SLC25A13: variants seen among roughly 807,000 people sequenced by gnomAD.
SLC25A13 encodes the protein electrogenic aspartate/glutamate antiporter SLC25A13, mitochondrial.
Under a neutral mutation model 85.5 loss-of-function variants are expected in SLC25A13, and 70 were observed. The ratio of observed to expected loss-of-function variants is 0.82; its 90% CI spans 0.68 to 1.00. The LOEUF (loss-of-function observed/expected upper bound fraction) is 1.00. SLC25A13 is among the 50% of genes least tolerant of loss of function. SLC25A13 has a pLI of 0.00. For synonymous variants in SLC25A13, 259 were observed against 288.7 expected (o/e 0.90, Z 1.04); for missense variants, 765 against 819.8 (o/e 0.93, Z 0.82).
chr7:96,285,289 A>G (rs1798844138), intron 2 of SLC25A13, among the ~76,000 whole-genome samples: 1 of 152,122 alleles, frequency 6.6e-6, no homozygotes, highest in Non-Finnish European at 1.5e-5. Flanking sequence ...TGCTGCACCA[A>G]TCAAATCTCA....
chr7:96,222,909 T>C lies in SLC25A13; in HGVS notation c.328+11893A>G, dbSNP rs79249288. Among the ~76,000 whole-genome samples the C allele has an allele frequency of 9.5e-3, 1,443 of 152,354 alleles. 11 individuals are homozygous for C. Among genetic ancestry groups the C allele is most frequent in the Non-Finnish European group, 0.015 (1,034 of 68,028 alleles). Reference sequence around the variant, plus strand: ...TCCAAAAACTGATTATCATTACATTTTGAAGTCATACATAAACTATTCTAC... The same window carrying C: ...TCCAAAAACTGATTATCATTACATTCTGAAGTCATACATAAACTATTCTAC... On this transcript the variant is annotated intron_variant, in intron 4 of 17. Coordinates refer to ENST00000265631, the MANE Select transcript of SLC25A13 (RefSeq NM_014251.3).
Position 96,131,851 on chromosome 7 carries a change from G to C in SLC25A13, c.1483C>G (p.Pro495Ala), listed in dbSNP as rs761992118. ...GAKACFLRDIPFSAIYFPCYA... is the reference protein window; with the variant it reads ...GAKACFLRDIAFSAIYFPCYA... ...CACGGAAAGTAGATGGCCGAGAAAGGAATGTCCCGCAGAAAGCATGCTTTG... is the reference window on the plus strand; with the variant it reads ...CACGGAAAGTAGATGGCCGAGAAAGCAATGTCCCGCAGAAAGCATGCTTTG... The change falls in exon 15 of 18, where the codon CCT (proline) becomes GCT (alanine). Residue 495 changes from proline to alanine, a missense_variant. Coordinates refer to ENST00000265631, the MANE Select transcript of SLC25A13 (RefSeq NM_014251.3). 8.7e-6 allele frequency: 14 copies of C among 1,613,978 alleles called. No homozygotes were observed. Among genetic ancestry groups the C allele is most frequent in the Non-Finnish European group, 1.1e-5 (13 of 1,179,986 alleles).
intron 1 of SLC25A13, among the ~76,000 whole-genome samples, chr7:96,299,846 C>G (rs1286147247): frequency 6.6e-6 from 1 of 152,180 alleles, no homozygotes; most frequent in African/African-American, 2.4e-5. Context: ...ATCTATACAG[C>G]ATGTTCCTAT....
intron 9 of SLC25A13, among the ~76,000 whole-genome samples, chr7:96,187,809 GC>G: frequency 6.6e-6 from 1 of 152,174 alleles, no homozygotes; most frequent in East Asian, 1.9e-4. Flanking sequence ...GCAGCGCTGT[GC>G]CCACAGGTGG....
intron 2 of SLC25A13, among the ~76,000 whole-genome samples, chr7:96,293,482 G>T (rs1216957743): frequency 6.6e-6 from 1 of 152,132 alleles, no homozygotes; most frequent in Admixed American, 6.5e-5. Context: ...AACCATCAGA[G>T]TGAACAGGCA....
At chr7:96,171,751 T>A (rs1401205630) in intron 11 of SLC25A13, among the ~76,000 whole-genome samples, 1 of 152,286 alleles carries the variant, frequency 6.6e-6, no homozygotes, top group African/African-American at 2.4e-5. Context: ...GTTTGCACAT[T>A]GGGTAAATCA....
At chr7:96,165,597 CA>C (rs1410226072) in intron 13 of SLC25A13, among the ~76,000 whole-genome samples, 1 of 152,204 alleles carries the variant, frequency 6.6e-6, no homozygotes, top group Non-Finnish European at 1.5e-5. Context: ...ATCTGGGAAT[CA>C]TATGAGGTGT....
At position 96,215,011 on chromosome 7, in the gene SLC25A13, C is replaced by G. The variant is rs532487835; in HGVS notation, c.329-6034G>C. Among the ~76,000 whole-genome samples the G allele has an allele frequency of 2.0e-5, 3 of 152,286 alleles. No individual in the cohort carries two copies. The South Asian group carries it at 6.2e-4, about 32-fold the overall frequency. On this transcript the variant is annotated intron_variant, in intron 4 of 17. Coordinates refer to ENST00000265631, the MANE Select transcript of SLC25A13 (RefSeq NM_014251.3). ...TCTATAGATTCAATGTAATCCCTATCAAAATCCTGGTTGGCTTGTTTGCAA... is the reference window on the plus strand; with the variant it reads ...TCTATAGATTCAATGTAATCCCTATGAAAATCCTGGTTGGCTTGTTTGCAA...
intron 2 of SLC25A13, among the ~76,000 whole-genome samples, chr7:96,294,051 C>T (rs1799242660): frequency 1.3e-5 from 2 of 152,244 alleles, no homozygotes; most frequent in South Asian, 4.2e-4. Flanking sequence ...CAATGATAGA[C>T]TGGATTAAGA....
chr7:96,234,265 A>ACAGGAGAGCAGACACTGC (rs1796662020), intron 4 of SLC25A13, among the ~76,000 whole-genome samples: 3 of 152,212 alleles, frequency 2.0e-5, no homozygotes, highest in African/African-American at 7.2e-5. Flanking sequence ...AAAGAAGGCC[A>ACAGGAGAGCAGACACTGC]CAGGAGAGCA....
At chr7:96,302,980 C>T (rs1388592534) in intron 1 of SLC25A13, among the ~76,000 whole-genome samples, 2 of 152,196 alleles carry the variant, frequency 1.3e-5, no homozygotes, top group Admixed American at 6.5e-5. Flanking sequence ...TCTCAGTCCT[C>T]GCTGCATATT....
chr7:96,209,883 C>A (rs1363899981), intron 4 of SLC25A13, among the ~76,000 whole-genome samples: 2 of 152,104 alleles, frequency 1.3e-5, no homozygotes, highest in Non-Finnish European at 2.9e-5. Context: ...CTGGCTTTCA[C>A]ATCTTTAAAT....
At chr7:96,234,528 A>G (rs1021258614) in intron 4 of SLC25A13, among the ~76,000 whole-genome samples, 2 of 152,190 alleles carry the variant, frequency 1.3e-5, no homozygotes, top group African/African-American at 2.4e-5. Context: ...TCTGGCTCTC[A>G]CATGCTATGA....
chr7:96,187,919 C>A (rs1029391), intron 9 of SLC25A13, among the ~76,000 whole-genome samples: 88,489 of 151,994 alleles, frequency 0.58, 26,160 homozygotes, highest in Non-Finnish European at 0.63. Context: ...AACCTCTAAG[C>A]GGCAGCGAAT....
intron 13 of SLC25A13, among the ~76,000 whole-genome samples, chr7:96,149,328 G>A (rs980651790): frequency 3.3e-5 from 5 of 152,158 alleles, no homozygotes; most frequent in African/African-American, 1.2e-4. Flanking sequence ...TGTTATGAAA[G>A]GGTACAATTC....
intron 3 of SLC25A13, among the ~76,000 whole-genome samples, chr7:96,257,892 G>A (rs1284572127): frequency 2.0e-5 from 3 of 152,162 alleles, no homozygotes; most frequent in African/African-American, 7.2e-5. Context: ...TCATCCCTGG[G>A]ATGCAAGGCT....
At position 96,143,441 on chromosome 7, in the gene SLC25A13, A is replaced by G. The variant is rs550611552; in HGVS notation, c.1452+3115T>C. Among the ~76,000 whole-genome samples the G allele has an allele frequency of 6.6e-5, 10 of 152,352 alleles. No individual in the cohort carries two copies. The South Asian group carries it at 2.1e-3, about 32-fold the overall frequency. On this transcript the variant is annotated intron_variant, in intron 14 of 17. Coordinates refer to ENST00000265631, the MANE Select transcript of SLC25A13 (RefSeq NM_014251.3). ...CATAATTCTTTTTAAAAAGAAGTAG[A>G]CATTGCAGATTTGTTTTCTTAGCTA...
chr7:96,169,768 A>C, intron 13 of SLC25A13: 1 of 473,956 alleles, frequency 2.1e-6, no homozygotes, highest in South Asian at 3.6e-5. Context: ...TTCAAAGGCC[A>C]AACACTTCTG....
rs141900957 is a variant in SLC25A13, at chr7:96,286,937, C to T, written c.70-9599G>A. ...AGGCTGCAATGAAGCTCCCTTCCAC[C>T]TCCCAAGCTAAAGAAGAATCCTCTC... On this transcript the variant is annotated intron_variant, in intron 2 of 17. Transcript: ENST00000265631. 4.9e-4 allele frequency among the ~76,000 whole-genome samples: 75 copies of T among 152,334 alleles called. 1 individual carries two copies. The highest frequency in any genetic ancestry group is 1.7e-3 in the African/African-American group (71 of 41,570).
Sources: allele counts gnomAD v4.1 joint callset (sites outside exome capture counted in the v4.1 genomes callset), GRCh38; gene constraint gnomAD v4.1.1; transcripts MANE v1.5; gene names NCBI Gene and HGNC (gene_info 2026-07-23, HGNC 2026-07-21).